The following SLC44A5 variants were observed in gnomAD, a reference collection of about 807,000 sequenced individuals.
SLC44A5 encodes the protein choline transporter-like protein 5.
SLC44A5 carries 57 observed loss-of-function variants against 101.8 expected under a neutral mutation model. The observed-to-expected ratio is 0.56, with a 90% CI of 0.45 to 0.70. The LOEUF (loss-of-function observed/expected upper bound fraction) is 0.70. Among genes scored for constraint, SLC44A5 ranks in the 30% least tolerant of loss-of-function variants. SLC44A5 has a pLI of 0.00. For synonymous variants in SLC44A5, 281 were observed against 290.9 expected (o/e 0.97, Z 0.35); for missense variants, 737 against 853.1 (o/e 0.86, Z 1.70).
intron 2 of SLC44A5, among the ~76,000 whole-genome samples, chr1:75,434,134 CTG>C (rs893615309): frequency 9.2e-5 from 14 of 152,156 alleles, no homozygotes; most frequent in African/African-American, 3.1e-4. Context: ...CTCCTTTCCT[CTG>C]TGTTCTCACC....
At chr1:75,688,454 C>T in the SLC44A5 span, among the ~76,000 whole-genome samples, 1 of 151,766 alleles carries the variant, frequency 6.6e-6, no homozygotes, top group Non-Finnish European at 1.5e-5. Context: ...CAAATCCAGG[C>T]CTATGGTTCT....
intron 2 of SLC44A5, among the ~76,000 whole-genome samples, chr1:75,463,986 G>A (rs1007357390): frequency 2.6e-5 from 4 of 152,052 alleles, no homozygotes; most frequent in Admixed American, 2.0e-4. Context: ...ACTTTGAGAG[G>A]CCAAGGCAGG....
intron 2 of SLC44A5, among the ~76,000 whole-genome samples, chr1:75,456,616 G>A (rs572802515): frequency 3.3e-5 from 5 of 152,278 alleles, no homozygotes; most frequent in African/African-American, 1.2e-4. Flanking sequence ...GTTTTCACTT[G>A]GAGTTTTCTT....
At chr1:75,395,681 G>T (rs949845800) in intron 3 of SLC44A5, among the ~76,000 whole-genome samples, 1 of 152,026 alleles carries the variant, frequency 6.6e-6, no homozygotes, top group African/African-American at 2.4e-5. Flanking sequence ...CAATAATTGT[G>T]TATATTTATG....
intron 2 of SLC44A5, among the ~76,000 whole-genome samples, chr1:75,452,531 A>T (rs1317195585): frequency 3.3e-5 from 5 of 152,286 alleles, no homozygotes; most frequent in Admixed American, 3.3e-4. Flanking sequence ...TCATAATAGG[A>T]TCAAAACCTC....
chr1:75,451,815 T>C (rs948488861), intron 2 of SLC44A5, among the ~76,000 whole-genome samples: 4 of 152,002 alleles, frequency 2.6e-5, no homozygotes, highest in Non-Finnish European at 5.9e-5. Context: ...TTAAAAAAAA[T>C]TTTAAAAAGT....
At chr1:75,359,516 C>T (rs966117528) in intron 3 of SLC44A5, among the ~76,000 whole-genome samples, 4 of 151,980 alleles carry the variant, frequency 2.6e-5, no homozygotes, top group African/African-American at 9.7e-5. Flanking sequence ...GCTGGGATTA[C>T]AGGCCTGAGC....
At chr1:75,408,801 T>C (rs1321804808) in intron 2 of SLC44A5, among the ~76,000 whole-genome samples, 1 of 152,178 alleles carries the variant, frequency 6.6e-6, no homozygotes, top group Non-Finnish European at 1.5e-5. Flanking sequence ...GGCACATGTA[T>C]ACCTATGTAA....
chr1:75,396,785 GCC>G (rs1352427806), intron 2 of SLC44A5, 164 bp from the exon 3 acceptor site: 1 of 591,876 alleles, frequency 1.7e-6, no homozygotes, highest in Non-Finnish European at 3.0e-6. Flanking sequence ...ACACAAAGCT[GCC>G]AATAATGAGC....
At chr1:75,700,041 C>T in the SLC44A5 span, among the ~76,000 whole-genome samples, 2 of 152,018 alleles carry the variant, frequency 1.3e-5, no homozygotes, top group African/African-American at 4.8e-5. Flanking sequence ...ACTTAGACTC[C>T]CACACATTAA....
At chr1:75,555,196 T>C (rs903411409) in intron 1 of SLC44A5, among the ~76,000 whole-genome samples, 1 of 152,158 alleles carries the variant, frequency 6.6e-6, no homozygotes, top group Non-Finnish European at 1.5e-5. Flanking sequence ...ATAATGTTAA[T>C]TTATATAAAA....
chr1:75,358,892 A>G (rs780404117), intron 3 of SLC44A5, among the ~76,000 whole-genome samples: 21 of 152,136 alleles, frequency 1.4e-4, no homozygotes, highest in Non-Finnish European at 2.5e-4. Context: ...ACAATGTATT[A>G]TTGACTTAGT....
At chr1:75,386,324 G>A (rs368233461) in intron 3 of SLC44A5, among the ~76,000 whole-genome samples, 6 of 152,070 alleles carry the variant, frequency 3.9e-5, no homozygotes, top group Admixed American at 2.0e-4. Context: ...TGTCTCAGCC[G>A]AAAATCTCCT....
chr1:75,612,702 A>G (rs1015377169), upstream of SLC44A5, among the ~76,000 whole-genome samples: 1 of 152,130 alleles, frequency 6.6e-6, no homozygotes, highest in Non-Finnish European at 1.5e-5. Context: ...TCTGGTACAT[A>G]TTCAGTGCTC....
chr1:75,442,445 G>T (rs933606567), intron 2 of SLC44A5, among the ~76,000 whole-genome samples: 1 of 152,046 alleles, frequency 6.6e-6, no homozygotes, highest in African/African-American at 2.4e-5. Context: ...CTTAGGTTCT[G>T]CCCTTTGTCT....
At chr1:75,422,962 A>G (rs1461156281) in intron 2 of SLC44A5, among the ~76,000 whole-genome samples, 1 of 152,204 alleles carries the variant, frequency 6.6e-6, no homozygotes, top group African/African-American at 2.4e-5. Flanking sequence ...TGCTAATTTG[A>G]AACAAACAAA....
chr1:75,545,102 G>A (rs576424873), intron 1 of SLC44A5, among the ~76,000 whole-genome samples: 6 of 152,120 alleles, frequency 3.9e-5, no homozygotes, highest in African/African-American at 1.4e-4. Context: ...GTGGGAACAT[G>A]CAGTGTTTGG....
At chr1:75,258,521 C>G (rs188544253) in intron 6 of SLC44A5, among the ~76,000 whole-genome samples, 10 of 152,178 alleles carry the variant, frequency 6.6e-5, no homozygotes, top group Admixed American at 3.9e-4. Flanking sequence ...AAGGCAGCAG[C>G]CCCAGTCAGG....
At chr1:75,689,301 G>T in the SLC44A5 span, among the ~76,000 whole-genome samples, 3 of 142,640 alleles carry the variant, frequency 2.1e-5, no homozygotes, top group Admixed American at 1.4e-4. Context: ...GAGAAAGGGG[G>T]TATCAGGTTT....
Sources: allele counts gnomAD v4.1 joint callset (sites outside exome capture counted in the v4.1 genomes callset), GRCh38; gene constraint gnomAD v4.1.1; transcripts MANE v1.5; gene names NCBI Gene and HGNC (gene_info 2026-07-23, HGNC 2026-07-21).